The following PLEKHA5 variants were observed in gnomAD, a reference collection of about 807,000 sequenced individuals.
The protein encoded by PLEKHA5 is pleckstrin homology domain-containing family A member 5.
PLEKHA5 carries 55 observed loss-of-function variants against 181.9 expected under a neutral mutation model. The ratio of observed to expected loss-of-function variants is 0.30; its 90% CI spans 0.24 to 0.38. The LOEUF is 0.38. Among genes scored for constraint, PLEKHA5 ranks in the 10% least tolerant of loss-of-function variants. PLEKHA5 has a pLI of 1.00. For synonymous variants in PLEKHA5, 535 were observed against 529.4 expected (o/e 1.01, Z -0.15); for missense variants, 1,432 against 1,549.5 (o/e 0.92, Z 1.27).
chr12:19,359,639 C>T, intron 28 of PLEKHA5, 93 bp downstream of exon 28: 1 of 1,261,902 alleles, frequency 7.9e-7, no homozygotes, highest in Non-Finnish European at 1.1e-6. Flanking sequence ...GTGTTTCTTT[C>T]AGTCACAGAG....
intron 16 of PLEKHA5, 21 bp from the exon 17 acceptor site, chr12:19,320,000 T>C (rs769278459): frequency 7.4e-7 from 1 of 1,349,662 alleles, no homozygotes; most frequent in South Asian, 1.3e-5. Context: ...AAACCCATCC[T>C]TTTCCTTCAT....
chr12:19,205,726 C>T lies in PLEKHA5; in HGVS notation c.228-48214C>T, dbSNP rs184126909. Among the ~76,000 whole-genome samples the T allele has an allele frequency of 2.0e-3, 307 of 151,982 alleles. 2 individuals carry two copies. Among genetic ancestry groups the T allele is most frequent in the Middle Eastern group, 3.4e-3 (1 of 294 alleles). ...GCTGACTTGTTTTGAATAATGCTGG[C>T]GGAATTATGTGCCGAGATACTTCAG... On this transcript the variant is annotated intron_variant, in intron 3 of 31. Coordinates refer to ENST00000429027, the MANE Select transcript of PLEKHA5 (RefSeq NM_001256470.2).
intron 3 of PLEKHA5, among the ~76,000 whole-genome samples, chr12:19,208,611 C>T (rs775437893): frequency 6.6e-6 from 1 of 152,082 alleles, no homozygotes; most frequent in Admixed American, 6.5e-5. Context: ...TTTGGCACTC[C>T]TGTGAAATTT....
intron 30 of PLEKHA5, 91 bp downstream of exon 30, chr12:19,366,200 G>A (rs953883517): frequency 1.6e-5 from 17 of 1,063,992 alleles, no homozygotes; most frequent in Middle Eastern, 4.5e-4. Context: ...GAAGGGAATC[G>A]CTTAAGTACC....
At chr12:19,322,454 G>A in intron 19 of PLEKHA5, 64 bp downstream of exon 19, 1 of 1,577,982 alleles carries the variant, frequency 6.3e-7, no homozygotes, top group Non-Finnish European at 8.7e-7. Flanking sequence ...TCAGGACACT[G>A]ATAAGTAAAA....
chr12:19,352,946 CT>C (rs33957042), intron 25 of PLEKHA5, among the ~76,000 whole-genome samples: 133 of 134,368 alleles, frequency 9.9e-4, no homozygotes, highest in Middle Eastern at 4.0e-3. Context: ...CCACACCCAG[CT>C]TTTTTTTTTT....
intron 27 of PLEKHA5, among the ~76,000 whole-genome samples, chr12:19,358,968 C>T (rs1221329788): frequency 6.6e-6 from 1 of 152,156 alleles, no homozygotes; most frequent in African/African-American, 2.4e-5. Flanking sequence ...AATTCAGAGA[C>T]AGCAGCCTAG....
intron 30 of PLEKHA5, among the ~76,000 whole-genome samples, chr12:19,368,184 C>A (rs2095483991): frequency 6.6e-6 from 1 of 152,078 alleles, no homozygotes; most frequent in Non-Finnish European, 1.5e-5. Flanking sequence ...TTTTCCTTTG[C>A]CTCTGTCACT....
At chr12:19,230,572 C>T (rs530529226) in intron 3 of PLEKHA5, among the ~76,000 whole-genome samples, 6 of 152,300 alleles carry the variant, frequency 3.9e-5, no homozygotes, top group Admixed American at 1.3e-4. Context: ...CTGGGGCACC[C>T]GGCGCCCCCT....
chr12:19,203,272 C>T (rs1034553215), intron 3 of PLEKHA5, among the ~76,000 whole-genome samples: 2 of 151,954 alleles, frequency 1.3e-5, no homozygotes, highest in African/African-American at 4.8e-5. Flanking sequence ...CCTCATTTAC[C>T]TGTTTTTCTG....
At chr12:19,294,923 T>C (rs1364279543) in intron 15 of PLEKHA5, among the ~76,000 whole-genome samples, 2 of 152,188 alleles carry the variant, frequency 1.3e-5, no homozygotes, top group Non-Finnish European at 2.9e-5. Context: ...GGTTTAAAAA[T>C]AACAATAGAT....
rs186898577 is a variant in PLEKHA5, at chr12:19,209,907, A to G, written c.228-44033A>G. Among the ~76,000 whole-genome samples the G allele has an allele frequency of 2.2e-3, 341 of 152,306 alleles. 1 individual carries two copies. The highest frequency in any genetic ancestry group is 3.9e-3 in the Non-Finnish European group (267 of 68,020). ...AGTCATCTTCACAGAGTTCCTCTCC[A>G]CCACAACAATGCTCCTGCTCATTCC... is the stretch of plus-strand genomic sequence containing the variant. On this transcript the variant is annotated intron_variant, in intron 3 of 31. Transcript: ENST00000429027.
intron 15 of PLEKHA5, chr12:19,303,363 A>G (rs1028368178): frequency 1.3e-5 from 2 of 152,052 alleles, no homozygotes; most frequent in African/African-American, 2.4e-5. Flanking sequence ...CCCCTCCCCA[A>G]ATGATTCAGG....
chr12:19,374,300 G>T (rs1240673268), intron 31 of PLEKHA5, among the ~76,000 whole-genome samples: 1 of 151,950 alleles, frequency 6.6e-6, no homozygotes. Flanking sequence ...CCCTAAAATG[G>T]GAGGGGACCC....
At chr12:19,246,529 A>G (rs1264756391) in intron 3 of PLEKHA5, among the ~76,000 whole-genome samples, 1 of 150,582 alleles carries the variant, frequency 6.6e-6, no homozygotes, top group African/African-American at 2.4e-5. Flanking sequence ...AGGCTGAGGC[A>G]GGGAACTGCT....
At chr12:19,289,455 G>A (rs183606375) in intron 13 of PLEKHA5, among the ~76,000 whole-genome samples, 18 of 150,514 alleles carry the variant, frequency 1.2e-4, no homozygotes, top group Non-Finnish European at 2.4e-4. Context: ...AACCAATCTT[G>A]GGAATACTTT....
chr12:19,239,066 C>T (rs1449089565), intron 3 of PLEKHA5, among the ~76,000 whole-genome samples: 1 of 152,088 alleles, frequency 6.6e-6, no homozygotes, highest in Non-Finnish European at 1.5e-5. Flanking sequence ...TAGTCTTAAA[C>T]TATATTTTTG....
At chr12:19,281,188 C>G (rs1244295897) in intron 11 of PLEKHA5, among the ~76,000 whole-genome samples, 1 of 150,108 alleles carries the variant, frequency 6.7e-6, no homozygotes, top group Non-Finnish European at 1.5e-5. Context: ...GTGTACTCCA[C>G]TGCACTCCAG....
At chr12:19,262,322 C>T (rs1592243619) in intron 7 of PLEKHA5, among the ~76,000 whole-genome samples, 2 of 152,196 alleles carry the variant, frequency 1.3e-5, no homozygotes, top group South Asian at 2.1e-4. Context: ...CAACCTCCAC[C>T]TCCCGGGTTC....
Sources: allele counts gnomAD v4.1 joint callset (sites outside exome capture counted in the v4.1 genomes callset), GRCh38; gene constraint gnomAD v4.1.1; transcripts MANE v1.5; gene names NCBI Gene and HGNC (gene_info 2026-07-23, HGNC 2026-07-21).